Variants in CTNND1 observed in about 807,000 individuals in gnomAD.
CTNND1 encodes the protein catenin delta-1.
A neutral mutation model predicts 112.1 loss-of-function variants in CTNND1; 16 were observed. The ratio of observed to expected loss-of-function variants is 0.14; its 90% CI spans 0.10 to 0.22. CTNND1 has a LOEUF of 0.22. CTNND1 is among the 10% of genes least tolerant of loss of function. The pLI is 1.00. For missense variants in CTNND1, 1,008 were observed against 1,257.0 expected (o/e 0.80, Z 3.00); for synonymous variants, 420 against 446.5 (o/e 0.94, Z 0.75).
chr11:57,802,322 C>G, intron 7 of CTNND1, 126 bp downstream of exon 7: 1 of 805,986 alleles, frequency 1.2e-6, no homozygotes, highest in East Asian at 2.5e-5. Context: ...TGGGTCAAAT[C>G]CATCTCACAG....
chr11:57,777,834 T>G (rs1373091078), intron 1 of CTNND1, among the ~76,000 whole-genome samples: 1 of 152,220 alleles, frequency 6.6e-6, no homozygotes, highest in East Asian at 1.9e-4. Context: ...AGGGTGTTGC[T>G]TCTTTGGATT....
In CTNND1 at chr11:57,791,460, G is replaced by C; in HGVS notation, c.-19G>C. On this transcript the variant is annotated 5_prime_UTR_variant, in exon 3 of 21. Transcript: ENST00000399050. ...CTTCCTTTTTACCCTGCCCTGCGGC[G>C]GCTCCGCCCCTTACCTTCATGGACG... 2 of 1,436,454 alleles carry C rather than the reference G, an allele frequency of 1.4e-6. No homozygotes were observed. The highest frequency in any genetic ancestry group is 1.8e-6 in the Non-Finnish European group (2 of 1,087,632). 89.0% of individuals were successfully genotyped at this position (1,436,454 alleles called of 1,614,324 possible).
Position 57,817,747 on chromosome 11 carries a change from A to G in CTNND1, c.*1439A>G, listed in dbSNP as rs1038801779. The stretch of plus-strand genomic sequence containing the variant: ...GAGTTACAGGGAAGTGGTCTCCCCA[A>G]TTCTCCCCTCCCTCCAGTATTGCCC... On this transcript the variant is annotated 3_prime_UTR_variant, in exon 21 of 21. Transcript: ENST00000399050. 6 of 152,458 alleles carry G rather than the reference A, an allele frequency of 3.9e-5. No homozygotes were observed. The highest frequency in any genetic ancestry group is 3.2e-3 in the Middle Eastern group (1 of 314). 9.4% of individuals were successfully genotyped at this position (152,458 alleles called of 1,614,324 possible). A position where few individuals can be genotyped will look rare whatever the true frequency, so the allele number is the denominator to read the frequency against.
At chr11:57,805,798 A>T in intron 9 of CTNND1, 84 bp from the exon 10 acceptor site, 1 of 1,457,490 alleles carries the variant, frequency 6.9e-7, no homozygotes, top group Non-Finnish European at 9.3e-7. Flanking sequence ...TCAACATTTT[A>T]ATACCTGAGT....
rs929940127 is a variant in CTNND1 at position 57,793,925 on chromosome 11, T to G, written c.196-85T>G. 4.4e-6 allele frequency: 6 copies of G among 1,371,318 alleles called. No individual in the cohort carries two copies. In the Admixed American group the frequency reaches 6.9e-5, roughly 16 times the overall value. 84.9% of individuals were successfully genotyped at this position (1,371,318 alleles called of 1,614,324 possible). A position where few individuals can be genotyped will look rare whatever the true frequency, so the allele number is the denominator to read the frequency against. Reference sequence around the variant, plus strand: ...ACACATATCTTCTTGAAAGCCCTTTTCCTGTTTGAAAAAAAGATCGTTTGT... The same window carrying G: ...ACACATATCTTCTTGAAAGCCCTTTGCCTGTTTGAAAAAAAGATCGTTTGT... On this transcript the variant is annotated intron_variant, in intron 3 of 20. Coordinates refer to ENST00000399050, the MANE Select transcript of CTNND1 (RefSeq NM_001085458.2).
rs555834652 is a variant in CTNND1, at chr11:57,817,710, T to C, written c.*1402T>C. 6.5e-6 allele frequency: 1 copy of C among 152,682 alleles called. No homozygotes were observed. Among genetic ancestry groups the C allele is most frequent in the Non-Finnish European group, 1.5e-5 (1 of 68,034 alleles). The allele number at this position is 152,682 out of a possible 1,614,324, so 9.5% of individuals were successfully genotyped here. On this transcript the variant is annotated 3_prime_UTR_variant, in exon 21 of 21. Transcript: ENST00000399050. ...CTCCTTAGGTGCCCAGAATTTACCA[T>C]CATCTCTGAAGGAGTTACAGGGAAG... is the stretch of plus-strand genomic sequence containing the variant.
At chr11:57,806,762 C>T (rs2137307587) in intron 11 of CTNND1, 153 bp from the exon 12 acceptor site, 1 of 669,536 alleles carries the variant, frequency 1.5e-6, no homozygotes, top group Non-Finnish European at 2.6e-6. Context: ...GAATAGTCCC[C>T]TGCTGGAACA....
rs11570187 is a variant in CTNND1 at position 57,791,998 on chromosome 11, T to C, written c.195+325T>C. On this transcript the variant is annotated intron_variant, in intron 3 of 20. Transcript: ENST00000399050. ...TCAAGTTACTTTTCTTTTCTGATTT[T>C]TTTTTCTTGGTATCAAAAAATCAGG... is the stretch of plus-strand genomic sequence containing the variant. Among the ~76,000 whole-genome samples, 85 of 152,316 alleles carry C rather than the reference T, an allele frequency of 5.6e-4. No homozygotes were observed. In the South Asian group the frequency reaches 0.017, roughly 31 times the overall value.
chr11:57,785,423 C>T (rs1265407974), intron 1 of CTNND1, among the ~76,000 whole-genome samples: 1 of 152,172 alleles, frequency 6.6e-6, no homozygotes, highest in Non-Finnish European at 1.5e-5. Context: ...TATACTTAAA[C>T]CCAGGCAGAT....
intron 1 of CTNND1, among the ~76,000 whole-genome samples, chr11:57,767,234 TAC>T (rs1951339021): frequency 6.6e-6 from 1 of 152,140 alleles, no homozygotes; most frequent in Admixed American, 6.5e-5. Context: ...CCTCCCAGAT[TAC>T]AGTCTTGAGC....
chr11:57,786,443 G>T (rs889954271), intron 1 of CTNND1, among the ~76,000 whole-genome samples: 4 of 152,152 alleles, frequency 2.6e-5, no homozygotes, highest in Admixed American at 6.5e-5. Context: ...TGAGGCAGGA[G>T]AATCGCCTGA....
At position 57,794,017 on chromosome 11, in the gene CTNND1, G is replaced by A. The variant is rs779266022; in HGVS notation, c.203G>A (p.Arg68Gln). ...GTLTRRHQNG[R>Q]FVGDADLERQ... is the part of the protein sequence containing the mutation. ...TTGTGGGCTGTGTTTCAGAACGGCC[G>A]GTTTGTGGGCGATGCTGACCTTGAA... Residue 68 changes from arginine to glutamine, a missense_variant, in exon 4 of 21, where the codon CGG becomes CAG. Around this residue, in one of 5 missense-constraint regions of CTNND1, gnomAD observed 404 missense variants for 457.9 expected, o/e 0.88. Coordinates refer to ENST00000399050, the MANE Select transcript of CTNND1 (RefSeq NM_001085458.2). The A allele has an allele frequency of 7.0e-5, 113 of 1,613,824 alleles. No individual in the cohort carries two copies. Among genetic ancestry groups the A allele is most frequent in the Non-Finnish European group, 7.8e-5 (92 of 1,179,872 alleles).
At chr11:57,769,654 T>TC (rs1220380389) in intron 1 of CTNND1, among the ~76,000 whole-genome samples, 3 of 152,184 alleles carry the variant, frequency 2.0e-5, no homozygotes, top group African/African-American at 7.2e-5. Context: ...TTCCTTTTTT[T>TC]CCCTTTAGGT....
intron 1 of CTNND1, among the ~76,000 whole-genome samples, chr11:57,771,117 A>G (rs1275840347): frequency 2.6e-5 from 4 of 152,184 alleles, no homozygotes; most frequent in Admixed American, 2.0e-4. Flanking sequence ...AAAAAAGTAT[A>G]GAAAAAGAAA....
intron 19 of CTNND1, 85 bp downstream of exon 19, chr11:57,815,585 C>T (rs2063866525): frequency 8.6e-7 from 1 of 1,157,776 alleles, no homozygotes; most frequent in Admixed American, 1.7e-5. Flanking sequence ...AAAAAAAGTA[C>T]AGAGAAAGAT....
intron 4 of CTNND1, 74 bp downstream of exon 4, chr11:57,794,155 G>C (rs781653980): frequency 6.3e-5 from 87 of 1,379,050 alleles, no homozygotes; most frequent in Non-Finnish European, 8.5e-5. Flanking sequence ...GAGCATATTT[G>C]TGTCTTGTAA....
intron 4 of CTNND1, among the ~76,000 whole-genome samples, chr11:57,794,716 C>T (rs924460041): frequency 3.3e-5 from 5 of 149,950 alleles, no homozygotes; most frequent in South Asian, 2.1e-4. Context: ...AACCAGGTGG[C>T]GGAGATTGTG....
chr11:57,798,457 T>C (rs941094901), intron 6 of CTNND1, among the ~76,000 whole-genome samples: 1 of 152,176 alleles, frequency 6.6e-6, no homozygotes, highest in African/African-American at 2.4e-5. Flanking sequence ...TTTCTTGTGT[T>C]TTTAATCCCA....
chr11:57,815,319 C>T, intron 18 of CTNND1, 75 bp from the exon 19 acceptor site: 3 of 834,868 alleles, frequency 3.6e-6, no homozygotes, highest in South Asian at 1.8e-5. Context: ...TGCCTAATTA[C>T]ACCTATCTGT....
Sources: gnomAD v4.1 joint callset for allele counts (sites outside exome capture counted in the v4.1 genomes callset) on GRCh38, gnomAD v4.1.1 for gene constraint, gnomAD v4.1.1 regional missense constraint, MANE v1.5 for transcripts, NCBI Gene and HGNC (gene_info 2026-07-23, HGNC 2026-07-21) for gene names.